The following GTF2H3 variants were observed in gnomAD, a reference collection of about 807,000 sequenced individuals.
The protein encoded by GTF2H3 is TFIIH basal transcription factor complex p34 subunit.
Under a neutral mutation model 51.1 loss-of-function variants are expected in GTF2H3, and 42 were observed. That is an observed-to-expected ratio of 0.82 (90% CI 0.64 to 1.06). The LOEUF is 1.06. GTF2H3 is among the 50% of genes least tolerant of loss of function. The pLI, the probability that GTF2H3 is intolerant of heterozygous loss-of-function variation, is 0.00. For missense variants in GTF2H3, 326 were observed against 366.1 expected, an observed-to-expected ratio of 0.89 and a Z score of 0.89; for synonymous variants, 123 against 123.8, an observed-to-expected ratio of 0.99 and a Z score of 0.04.
At chr12:123,653,692 T>C (rs1163661988) in intron 7 of GTF2H3, among the ~76,000 whole-genome samples, 2 of 152,016 alleles carry the variant, frequency 1.3e-5, no homozygotes, top group Non-Finnish European at 2.9e-5. Context: ...TATTCATTGT[T>C]TGTTGCTTAG....
intron 3 of GTF2H3, among the ~76,000 whole-genome samples, chr12:123,646,255 C>CTTTTTTTT (rs34427180): frequency 7.4e-6 from 1 of 135,834 alleles, no homozygotes. Flanking sequence ...TCTTCTATGT[C>CTTTTTTTT]TTTTTTTTTT....
intron 2 of GTF2H3, among the ~76,000 whole-genome samples, chr12:123,640,347 T>C (rs1955351607): frequency 6.6e-6 from 1 of 151,070 alleles, no homozygotes. Context: ...CTTTTTTTTT[T>C]TTTTTTGAGA....
chr12:123,655,811 G>T lies in GTF2H3; in HGVS notation c.602G>T (p.Gly201Val). ...GCCTGTGTTTTAGACTCCGACTCAG[G>T]GCTCCTCCAACAGGTATGTTTTAAA... is the stretch of plus-strand genomic sequence containing the variant. ...IDACVLDSDS[G>V]LLQQACDITG... Residue 201 changes from glycine to valine, a missense_variant, in exon 9 of 13, where the codon GGG becomes GTG. Coordinates refer to ENST00000543341, the MANE Select transcript of GTF2H3 (RefSeq NM_001516.5). 6.3e-7 allele frequency: 1 copy of T among 1,599,162 alleles called. No homozygotes were observed. The highest frequency in any genetic ancestry group is 2.2e-5 in the East Asian group (1 of 44,698).
At chr12:123,645,368 C>A in intron 2 of GTF2H3, 87 bp from the exon 3 acceptor site, 1 of 743,846 alleles carries the variant, frequency 1.3e-6, no homozygotes, top group Non-Finnish European at 2.4e-6. Flanking sequence ...CTGCACCCAG[C>A]CTAAACGACA....
At chr12:123,636,641 G>T (rs1053645110) in intron 1 of GTF2H3, among the ~76,000 whole-genome samples, 1 of 152,210 alleles carries the variant, frequency 6.6e-6, no homozygotes, top group Admixed American at 6.5e-5. Flanking sequence ...CAAGTGGCTG[G>T]GTGTGGTGGC....
intron 5 of GTF2H3, among the ~76,000 whole-genome samples, chr12:123,651,731 A>G (rs1955523321): frequency 6.6e-6 from 1 of 151,936 alleles, no homozygotes; most frequent in African/African-American, 2.4e-5. Flanking sequence ...GAGGCAGGAG[A>G]ATAGCGTGAA....
intron 6 of GTF2H3, 48 bp downstream of exon 6, chr12:123,652,609 C>G (rs761740142): frequency 1.3e-6 from 2 of 1,488,998 alleles, no homozygotes; most frequent in South Asian, 1.2e-5. Flanking sequence ...ACTTATTTTA[C>G]TAGTATTTCT....
chr12:123,639,493 G>A (rs1447062806), intron 2 of GTF2H3, 150 bp downstream of exon 2: 2 of 546,510 alleles, frequency 3.7e-6, no homozygotes, highest in Admixed American at 3.2e-5. Flanking sequence ...GTAAATTTGC[G>A]AAGTTGTGTA....
intron 3 of GTF2H3, among the ~76,000 whole-genome samples, chr12:123,645,775 C>T (rs950220659): frequency 6.6e-6 from 1 of 152,040 alleles, no homozygotes; most frequent in African/African-American, 2.4e-5. Context: ...ACACAATGGC[C>T]CATGTAATTT....
intron 1 of GTF2H3, among the ~76,000 whole-genome samples, chr12:123,637,358 A>AC (rs1050074218): frequency 3.0e-4 from 46 of 151,150 alleles, no homozygotes; most frequent in African/African-American, 6.3e-4. Context: ...ATTTATTGAG[A>AC]CCCCCCCATC....
At chr12:123,658,419 T>G (rs932939009) in intron 9 of GTF2H3, among the ~76,000 whole-genome samples, 3 of 152,158 alleles carry the variant, frequency 2.0e-5, no homozygotes, top group Non-Finnish European at 4.4e-5. Context: ...GGTTTTATAC[T>G]CTATTGGTTA....
intron 7 of GTF2H3, among the ~76,000 whole-genome samples, chr12:123,654,178 T>G (rs1955554532): frequency 6.7e-6 from 1 of 149,932 alleles, no homozygotes; most frequent in Non-Finnish European, 1.5e-5. Flanking sequence ...GGTGTGTGTA[T>G]GTATTTGGGG....
intron 2 of GTF2H3, among the ~76,000 whole-genome samples, chr12:123,643,865 T>TACTC (rs11572943): frequency 0.14 from 20,945 of 152,020 alleles, 2,879 homozygotes; most frequent in African/African-American, 0.36. Flanking sequence ...GATGGAGTCT[T>TACTC]TGTCACCCAG....
chr12:123,658,607 C>T (rs958168902), intron 9 of GTF2H3, among the ~76,000 whole-genome samples: 4 of 152,196 alleles, frequency 2.6e-5, no homozygotes, highest in African/African-American at 9.7e-5. Context: ...GCTGGGATTA[C>T]AGGCATGAGC....
chr12:123,637,829 G>A (rs1955307019), intron 1 of GTF2H3, among the ~76,000 whole-genome samples: 1 of 152,174 alleles, frequency 6.6e-6, no homozygotes, highest in East Asian at 1.9e-4. Context: ...AATTACGATT[G>A]GCCTTGCTGC....
intron 3 of GTF2H3, among the ~76,000 whole-genome samples, chr12:123,646,339 G>A (rs531553840): frequency 8.6e-5 from 13 of 150,742 alleles, no homozygotes; most frequent in East Asian, 5.8e-4. Flanking sequence ...TCACTGTAGC[G>A]TCTGACCTTC....
rs528904826 is a variant in GTF2H3, at chr12:123,655,692, A to G, written c.562-79A>G. The G allele has an allele frequency of 4.8e-6, 4 of 833,694 alleles. No homozygotes were observed. The South Asian group carries it at 5.7e-5, about 12-fold the overall frequency. 51.6% of individuals were successfully genotyped at this position (833,694 alleles called of 1,614,324 possible). ...GAGTGAGCTATTTTAAGCATAGAGTATGGCATGTAGTAGGTTCTCAGTATA... is the reference window on the plus strand; with the variant it reads ...GAGTGAGCTATTTTAAGCATAGAGTGTGGCATGTAGTAGGTTCTCAGTATA... On this transcript the variant is annotated intron_variant, in intron 8 of 12. Transcript: ENST00000543341.
At chr12:123,642,114 A>G (rs1955384023) in intron 2 of GTF2H3, among the ~76,000 whole-genome samples, 1 of 151,226 alleles carries the variant, frequency 6.6e-6, no homozygotes, top group Non-Finnish European at 1.5e-5. Context: ...TCGGCCTCCC[A>G]AAGTGCTAGG....
intron 7 of GTF2H3, 100 bp downstream of exon 7, chr12:123,652,835 T>G: frequency 8.6e-7 from 1 of 1,157,770 alleles, no homozygotes; most frequent in South Asian, 1.7e-5. Context: ...CCCAGCACTT[T>G]GGGAGGCCGA....
Sources: allele counts gnomAD v4.1 joint callset (sites outside exome capture counted in the v4.1 genomes callset), GRCh38; gene constraint gnomAD v4.1.1; transcripts MANE v1.5; gene names NCBI Gene and HGNC (gene_info 2026-07-23, HGNC 2026-07-21).